The following SEM1 variants were observed in gnomAD, a reference collection of about 807,000 sequenced individuals.
SEM1 encodes SEM1 26S proteasome subunit.
In SEM1, 3 loss-of-function variants were observed where a neutral mutation model predicts 12.7. The ratio of observed to expected loss-of-function variants is 0.24; its 90% CI spans 0.11 to 0.61. The LOEUF (loss-of-function observed/expected upper bound fraction) is 0.61, where lower values mean the gene tolerates loss of function less well. Among genes scored for constraint, SEM1 ranks in the 20% least tolerant of loss-of-function variants. The pLI, the probability that SEM1 is intolerant of heterozygous loss-of-function variation, is 0.88. For synonymous variants in SEM1, 30 were observed against 27.8 expected (o/e 1.08, Z -0.25); for missense variants, 59 against 81.3 (o/e 0.73, Z 1.06).
At chr7:96,582,927 C>G (rs1314675653) in intron 2 of SEM1, among the ~76,000 whole-genome samples, 2 of 152,190 alleles carry the variant, frequency 1.3e-5, no homozygotes, top group African/African-American at 4.8e-5. Flanking sequence ...AAACCAGCTC[C>G]TGGATTCATT....
At chr7:96,526,335 A>G (rs1056090632) in intron 2 of SEM1, among the ~76,000 whole-genome samples, 7 of 151,918 alleles carry the variant, frequency 4.6e-5, no homozygotes, top group African/African-American at 1.5e-4. Flanking sequence ...TGCAAACAAT[A>G]GACAAAGTTG....
At chr7:96,537,516 C>T (rs1436899787) in intron 2 of SEM1, among the ~76,000 whole-genome samples, 1 of 151,568 alleles carries the variant, frequency 6.6e-6, no homozygotes, top group Admixed American at 6.6e-5. Context: ...GATAATTTTG[C>T]TGGACATGGA....
At chr7:96,669,840 ATAG>A (rs558841443), downstream of SEM1, among the ~76,000 whole-genome samples, 4 of 152,208 alleles carry the variant, frequency 2.6e-5, no homozygotes, top group Non-Finnish European at 5.9e-5. Flanking sequence ...AGATATTTTA[ATAG>A]TAGCACAAAT....
intron 2 of SEM1, among the ~76,000 whole-genome samples, chr7:96,561,965 T>C (rs968025128): frequency 6.6e-6 from 1 of 152,204 alleles, no homozygotes; most frequent in Non-Finnish European, 1.5e-5. Context: ...ACACTTACCT[T>C]TGGTTTCTTT....
intron 2 of SEM1, among the ~76,000 whole-genome samples, chr7:96,551,939 A>G (rs1805291627): frequency 6.6e-6 from 1 of 152,104 alleles, no homozygotes; most frequent in East Asian, 1.9e-4. Context: ...GATAGACTAT[A>G]TTTCTGTTGT....
At chr7:96,490,008 G>A (rs1391346471) in intron 1 of SEM1, among the ~76,000 whole-genome samples, 1 of 152,020 alleles carries the variant, frequency 6.6e-6, no homozygotes, top group African/African-American at 2.4e-5. Flanking sequence ...GCATTGTGAG[G>A]AGACACACTA....
At chr7:96,503,811 G>C (rs1004504287) in intron 3 of SEM1, among the ~76,000 whole-genome samples, 1 of 152,056 alleles carries the variant, frequency 6.6e-6, no homozygotes. Flanking sequence ...TTAGTTGTTG[G>C]TAAAGTGCAT....
chr7:96,646,283 G>C (rs1400439121), intron 2 of SEM1, among the ~76,000 whole-genome samples: 2 of 152,116 alleles, frequency 1.3e-5, no homozygotes, highest in South Asian at 2.1e-4. Flanking sequence ...GATCATATGT[G>C]GCCCACAAAG....
At chr7:96,573,187 A>G (rs1316212969) in intron 2 of SEM1, among the ~76,000 whole-genome samples, 1 of 151,290 alleles carries the variant, frequency 6.6e-6, no homozygotes, top group African/African-American at 2.4e-5. Flanking sequence ...GTGCCTTTGC[A>G]CATGACATGT....
At chr7:96,650,913 T>C (rs1808959394) in intron 2 of SEM1, among the ~76,000 whole-genome samples, 1 of 152,096 alleles carries the variant, frequency 6.6e-6, no homozygotes, top group South Asian at 2.1e-4. Context: ...TGGAGATCTG[T>C]GATTTACATT....
intron 2 of SEM1, among the ~76,000 whole-genome samples, chr7:96,584,128 G>C (rs1806523128): frequency 6.6e-6 from 1 of 152,076 alleles, no homozygotes; most frequent in Non-Finnish European, 1.5e-5. Flanking sequence ...TCCATGTTTA[G>C]TGCTTCCTTC....
chr7:96,597,136 T>G (rs1807021935), intron 2 of SEM1, among the ~76,000 whole-genome samples: 1 of 152,210 alleles, frequency 6.6e-6, no homozygotes, highest in South Asian at 2.1e-4. Flanking sequence ...CCTTTGCCAC[T>G]GAGCATACTG....
At chr7:96,573,113 T>G (rs956406275) in intron 2 of SEM1, among the ~76,000 whole-genome samples, 2 of 151,630 alleles carry the variant, frequency 1.3e-5, no homozygotes, top group Admixed American at 6.6e-5. Context: ...ACCCCTGTTT[T>G]TTTTTTTTTT....
At chr7:96,557,815 TCA>T (rs1805570143) in intron 2 of SEM1, among the ~76,000 whole-genome samples, 1 of 152,086 alleles carries the variant, frequency 6.6e-6, no homozygotes, top group South Asian at 2.1e-4. Context: ...CAGTTTGATC[TCA>T]GACTGCTGTG....
chr7:96,564,900 G>A (rs1805800067), intron 2 of SEM1, among the ~76,000 whole-genome samples: 1 of 151,926 alleles, frequency 6.6e-6, no homozygotes, highest in African/African-American at 2.4e-5. Context: ...TTTACAAAAA[G>A]TTGCATTTAA....
At chr7:96,551,888 G>A (rs962626953) in intron 2 of SEM1, among the ~76,000 whole-genome samples, 9 of 152,078 alleles carry the variant, frequency 5.9e-5, no homozygotes, top group Admixed American at 3.9e-4. Flanking sequence ...AACCAGCCCT[G>A]CCAACACATT....
chr7:96,513,120 G>A (rs1371937462), intron 2 of SEM1, among the ~76,000 whole-genome samples: 1 of 152,044 alleles, frequency 6.6e-6, no homozygotes, highest in Non-Finnish European at 1.5e-5. Flanking sequence ...TTATAAAAAT[G>A]GGAAGTTTGG....
chr7:96,706,166 T>A (rs1366151908), intron 1 of SEM1: 1 of 152,150 alleles, frequency 6.6e-6, no homozygotes, highest in Non-Finnish European at 1.5e-5. Flanking sequence ...GAAATGCCAA[T>A]GTAGCACCAA....
chr7:96,484,830 C>A (rs1375894761), exon 3 of SEM1: 1 of 1,287,518 alleles, frequency 7.8e-7, no homozygotes, highest in Admixed American at 2.3e-5. Context: ...ATTACCTTGC[C>A]CACTTCTTTT....
Sources: gnomAD v4.1 joint callset for allele counts (sites outside exome capture counted in the v4.1 genomes callset) on GRCh38, gnomAD v4.1.1 for gene constraint, MANE v1.5 for transcripts, NCBI Gene and HGNC (gene_info 2026-07-23, HGNC 2026-07-21) for gene names.